Variants in MITF observed in about 807,000 individuals in gnomAD.
MITF encodes microphthalmia-associated transcription factor.
In MITF, 17 loss-of-function variants were observed where a neutral mutation model predicts 60.5. The ratio of observed to expected loss-of-function variants is 0.28; its 90% CI spans 0.19 to 0.42. The LOEUF is 0.42. MITF is among the 10% of genes least tolerant of loss of function. MITF has a pLI of 1.00. For synonymous variants in MITF, 260 were observed against 248.5 expected (o/e 1.05, Z -0.43); for missense variants, 622 against 683.5 (o/e 0.91, Z 1.00).
At chr3:69,835,736 C>A (rs2063529862) in intron 1 of MITF, among the ~76,000 whole-genome samples, 1 of 152,096 alleles carries the variant, frequency 6.6e-6, no homozygotes, top group African/African-American at 2.4e-5. Flanking sequence ...GGAGACTGTC[C>A]TTTTCCTATT....
intron 1 of MITF, among the ~76,000 whole-genome samples, chr3:69,797,255 G>C (rs2062846013): frequency 6.6e-6 from 1 of 152,052 alleles, no homozygotes; most frequent in East Asian, 1.9e-4. Flanking sequence ...CAAGGAGTTT[G>C]TTTGAGTTTT....
chr3:69,778,559 A>G (rs1176786998), intron 1 of MITF, among the ~76,000 whole-genome samples: 1 of 152,116 alleles, frequency 6.6e-6, no homozygotes, highest in Non-Finnish European at 1.5e-5. Flanking sequence ...AATATTTGTC[A>G]CCTCATGGTT....
intron 1 of MITF, among the ~76,000 whole-genome samples, chr3:69,869,973 T>C (rs1306171247): frequency 6.6e-6 from 1 of 152,092 alleles, no homozygotes; most frequent in Non-Finnish European, 1.5e-5. Context: ...GAGTCTTACG[T>C]AGAACTCCAG....
Position 69,959,257 on chromosome 3 carries a change from T to C in MITF, c.1032-16T>C, listed in dbSNP as rs1276565049. The C allele has an allele frequency of 6.2e-7, 1 of 1,613,682 alleles. No homozygotes were observed. The highest frequency in any genetic ancestry group is 1.3e-5 in the African/African-American group (1 of 74,898). On this transcript the variant is annotated splice_polypyrimidine_tract_variant and intron_variant, in intron 8 of 9. Transcript: ENST00000352241. ...CAAATCCTAAAAATATCTGTTTTCC[T>C]CCATTTTCATCGCAGAGACATGCGC...
At chr3:69,861,608 C>A (rs1012068572) in intron 1 of MITF, among the ~76,000 whole-genome samples, 3 of 152,160 alleles carry the variant, frequency 2.0e-5, no homozygotes, top group African/African-American at 7.2e-5. Flanking sequence ...CCTCCCTGTA[C>A]CCTCTTCCCA....
At chr3:69,817,594 A>T (rs1280334213) in intron 1 of MITF, among the ~76,000 whole-genome samples, 2 of 152,128 alleles carry the variant, frequency 1.3e-5, no homozygotes. Context: ...CTGAGAAAAG[A>T]GATGGGAGGG....
At chr3:69,796,571 A>G (rs1316150639) in intron 1 of MITF, among the ~76,000 whole-genome samples, 1 of 139,318 alleles carries the variant, frequency 7.2e-6, no homozygotes, top group Non-Finnish European at 1.5e-5. Context: ...CAGTGGCGCA[A>G]TCTCGGCTCA....
intron 1 of MITF, among the ~76,000 whole-genome samples, chr3:69,847,940 A>T (rs2063759653): frequency 6.6e-6 from 1 of 152,230 alleles, no homozygotes. Context: ...AGCTCTTTCC[A>T]CATTTAATGA....
intron 9 of MITF, among the ~76,000 whole-genome samples, chr3:69,960,585 A>G (rs76152915): frequency 0.054 from 8,146 of 152,210 alleles, 510 homozygotes; most frequent in African/African-American, 0.15. Context: ...AACACAACCT[A>G]TCTGTAAGAG....
chr3:69,754,717 A>T (rs1704064053), intron 1 of MITF, among the ~76,000 whole-genome samples: 1 of 151,992 alleles, frequency 6.6e-6, no homozygotes, highest in Non-Finnish European at 1.5e-5. Context: ...AAAAGAGGAC[A>T]GTGCATAATA....
intron 1 of MITF, among the ~76,000 whole-genome samples, chr3:69,758,038 T>C (rs982269921): frequency 1.4e-5 from 2 of 139,004 alleles, no homozygotes; most frequent in Admixed American, 1.5e-4. Context: ...TGTGTGTGTG[T>C]GTGTCTATAT....
chr3:69,921,821 G>C (rs1252496097), intron 2 of MITF, among the ~76,000 whole-genome samples: 4 of 152,134 alleles, frequency 2.6e-5, no homozygotes, highest in African/African-American at 7.2e-5. Context: ...TTCTAGGATA[G>C]GATTTCTACA....
intron 2 of MITF, among the ~76,000 whole-genome samples, chr3:69,903,224 T>C (rs2065030606): frequency 6.6e-6 from 1 of 152,238 alleles, no homozygotes; most frequent in Non-Finnish European, 1.5e-5. Flanking sequence ...GGTGAGGTTT[T>C]AAACATAAGA....
chr3:69,791,007 C>T (rs574506689), intron 1 of MITF, among the ~76,000 whole-genome samples: 50 of 152,316 alleles, frequency 3.3e-4, no homozygotes, highest in Admixed American at 1.0e-3. Context: ...TTTTTAGAGA[C>T]ACTAATTTCT....
chr3:69,814,796 A>G (rs1203366036), intron 1 of MITF, among the ~76,000 whole-genome samples: 1 of 152,274 alleles, frequency 6.6e-6, no homozygotes, highest in Non-Finnish European at 1.5e-5. Context: ...GTGGAGTCAC[A>G]TGGAGATTTG....
intron 1 of MITF, among the ~76,000 whole-genome samples, chr3:69,756,876 A>G (rs1030620234): frequency 6.6e-5 from 10 of 152,190 alleles, no homozygotes; most frequent in African/African-American, 2.4e-4. Flanking sequence ...GAATTTCTCT[A>G]ATGACCAGTG....
At chr3:69,877,338 A>G (rs922780356) in intron 1 of MITF, among the ~76,000 whole-genome samples, 1 of 152,164 alleles carries the variant, frequency 6.6e-6, no homozygotes, top group Non-Finnish European at 1.5e-5. Context: ...ATCAAATTGT[A>G]TGAACAATTT....
Position 69,888,843 on chromosome 3 carries a change from G to A in MITF, c.354+9460G>A, listed in dbSNP as rs184700219. 1.3e-4 allele frequency among the ~76,000 whole-genome samples: 19 copies of A among 151,730 alleles called. No individual in the cohort carries two copies. The East Asian group carries it at 3.7e-3, about 29-fold the overall frequency. Reference sequence around the variant, plus strand: ...TTTGCCCCATTCAGCATTTTACTGGGCTTTCTTTTCTGTCTTGGTGAAGAG... The same window carrying A: ...TTTGCCCCATTCAGCATTTTACTGGACTTTCTTTTCTGTCTTGGTGAAGAG... On this transcript the variant is annotated intron_variant, in intron 2 of 9. Coordinates refer to ENST00000352241, the MANE Select transcript of MITF (RefSeq NM_001354604.2).
rs55969316 is a variant in MITF at position 69,848,957 on chromosome 3, C to CTTTT, written c.105-30155_105-30152dup. ...GGAAATTATTTGGGCAAAGATTCTT[C>CTTTT]TTTTTTTTTTTTTTTTTTTTTTTTT... On this transcript the variant is annotated intron_variant, in intron 1 of 9. Coordinates refer to ENST00000352241, the MANE Select transcript of MITF (RefSeq NM_001354604.2). Among the ~76,000 whole-genome samples the CTTTT allele has an allele frequency of 6.0e-3, 441 of 73,342 alleles. 3 individuals are homozygous for CTTTT. The highest frequency in any genetic ancestry group is 8.9e-3 in the African/African-American group (177 of 19,950). The allele number at this position is 73,342 out of a possible 152,430, so 48.1% of individuals were successfully genotyped here.
Sources: gnomAD v4.1 joint callset for allele counts (sites outside exome capture counted in the v4.1 genomes callset) on GRCh38, gnomAD v4.1.1 for gene constraint, MANE v1.5 for transcripts, NCBI Gene and HGNC (gene_info 2026-07-23, HGNC 2026-07-21) for gene names.